The following KIF6 variants were observed in gnomAD, a reference collection of about 807,000 sequenced individuals.
KIF6 encodes the protein kinesin family member 6, also known as kinesin-like protein KIF6.
Under a neutral mutation model 112.7 loss-of-function variants are expected in KIF6, and 106 were observed. The ratio of observed to expected loss-of-function variants is 0.94; its 90% CI spans 0.80 to 1.11. KIF6 has a LOEUF of 1.11. KIF6 is among the 50% of genes least tolerant of loss of function. The pLI, the probability that KIF6 is intolerant of heterozygous loss-of-function variation, is 0.00. For missense variants in KIF6, 929 were observed against 964.0 expected, an observed-to-expected ratio of 0.96 and a Z score of 0.48; for synonymous variants, 339 against 339.9, an observed-to-expected ratio of 1.00 and a Z score of 0.03.
At chr6:39,658,756 T>A (rs1478581489) in intron 3 of KIF6, among the ~76,000 whole-genome samples, 4 of 152,166 alleles carry the variant, frequency 2.6e-5, no homozygotes, top group African/African-American at 9.7e-5. Context: ...GGGGGAAAAG[T>A]TTAGAGTCAA....
chr6:39,384,712 G>A (rs572180956), intron 16 of KIF6, among the ~76,000 whole-genome samples: 56 of 152,276 alleles, frequency 3.7e-4, no homozygotes, highest in South Asian at 1.2e-3. Context: ...GGATTTCTCC[G>A]ATTACAGGTA....
At chr6:39,339,404 G>A (rs1386347298) in intron 22 of KIF6, among the ~76,000 whole-genome samples, 2 of 152,104 alleles carry the variant, frequency 1.3e-5, no homozygotes, top group Non-Finnish European at 2.9e-5. Context: ...TGGAATTTCC[G>A]CCTTTTCCCT....
intron 14 of KIF6, among the ~76,000 whole-genome samples, chr6:39,427,808 G>C (rs2150376182): frequency 1.3e-5 from 2 of 152,282 alleles, no homozygotes; most frequent in East Asian, 3.9e-4. Flanking sequence ...GAACTCTACT[G>C]TACAGAGTTA....
At chr6:39,528,049 A>T (rs569902811) in intron 13 of KIF6, among the ~76,000 whole-genome samples, 1 of 152,340 alleles carries the variant, frequency 6.6e-6, no homozygotes, top group Non-Finnish European at 1.5e-5. Flanking sequence ...AGTACAATAT[A>T]TCTCAAAGTA....
intron 9 of KIF6, among the ~76,000 whole-genome samples, chr6:39,581,471 C>G (rs1781292879): frequency 6.6e-6 from 1 of 151,944 alleles, no homozygotes; most frequent in Non-Finnish European, 1.5e-5. Flanking sequence ...TACTCATTTT[C>G]TAACTTCTTT....
intron 19 of KIF6, among the ~76,000 whole-genome samples, chr6:39,350,201 C>T (rs546329106): frequency 6.3e-4 from 96 of 152,106 alleles, no homozygotes; most frequent in Non-Finnish European, 1.2e-3. Flanking sequence ...GAGCGGATAC[C>T]CCAGGCAGGA....
rs1333735743 is a variant in KIF6 at position 39,519,227 on chromosome 6, A to C, written c.1645+20776T>G. Among the ~76,000 whole-genome samples the C allele has an allele frequency of 2.0e-5, 3 of 152,082 alleles. No individual in the cohort carries two copies. In the East Asian group the frequency reaches 5.8e-4, roughly 29 times the overall value. ...CAGAGTATTCCTGGGCATCTGAAAA[A>C]CTTCCAATGGAATAGGCCACATTAT... is the stretch of plus-strand genomic sequence containing the variant. On this transcript the variant is annotated intron_variant, in intron 13 of 22. Coordinates refer to ENST00000287152, the MANE Select transcript of KIF6 (RefSeq NM_145027.6).
intron 20 of KIF6, among the ~76,000 whole-genome samples, chr6:39,346,090 C>CCTCTCCCTCCCCCCCT (rs1763735232): frequency 8.2e-5 from 3 of 36,808 alleles, no homozygotes; most frequent in Non-Finnish European, 1.4e-4. Context: ...CTCTCTCCCC[C>CCTCTCCCTCCCCCCCT]CCCTCTCCCT....
At chr6:39,512,535 G>C (rs1776841929) in intron 13 of KIF6, among the ~76,000 whole-genome samples, 2 of 152,286 alleles carry the variant, frequency 1.3e-5, no homozygotes, top group South Asian at 4.1e-4. Flanking sequence ...CCAAGTCAGG[G>C]TTCTTAAATT....
At chr6:39,369,233 G>A (rs548861281) in intron 16 of KIF6, among the ~76,000 whole-genome samples, 1 of 152,262 alleles carries the variant, frequency 6.6e-6, no homozygotes, top group African/African-American at 2.4e-5. Context: ...GTCACATGCC[G>A]ACGGGTGCTC....
chr6:39,569,969 T>C (rs914287882), intron 10 of KIF6, among the ~76,000 whole-genome samples: 2 of 152,250 alleles, frequency 1.3e-5, no homozygotes, highest in African/African-American at 2.4e-5. Context: ...GCGATTTATT[T>C]GATGGATAAA....
At chr6:39,605,993 C>G (rs190719012) in intron 6 of KIF6, among the ~76,000 whole-genome samples, 1 of 151,830 alleles carries the variant, frequency 6.6e-6, no homozygotes, top group East Asian at 1.9e-4. Flanking sequence ...TGCCTTTGTT[C>G]CCTCCCCTTC....
At chr6:39,543,590 A>T (rs1778911868) in intron 12 of KIF6, among the ~76,000 whole-genome samples, 1 of 150,674 alleles carries the variant, frequency 6.6e-6, no homozygotes. Context: ...TTGCATAAAT[A>T]GCTGAAGCTA....
chr6:39,698,789 G>T (rs1005818946), intron 3 of KIF6, among the ~76,000 whole-genome samples: 5 of 152,130 alleles, frequency 3.3e-5, no homozygotes, highest in African/African-American at 1.2e-4. Context: ...GCTTTTTATG[G>T]CTCTAAATAT....
intron 16 of KIF6, among the ~76,000 whole-genome samples, chr6:39,369,097 C>A (rs1765777776): frequency 6.6e-6 from 1 of 152,194 alleles, no homozygotes; most frequent in African/African-American, 2.4e-5. Context: ...AGTGTCTATT[C>A]TTACGGAGAT....
intron 8 of KIF6, 140 bp downstream of exon 8, chr6:39,586,121 G>T: frequency 1.4e-6 from 1 of 738,732 alleles, no homozygotes; most frequent in Non-Finnish European, 2.3e-6. Context: ...ATAGCCCACA[G>T]CTGTGAACTC....
At chr6:39,536,422 G>C (rs927125550) in intron 13 of KIF6, among the ~76,000 whole-genome samples, 1 of 151,894 alleles carries the variant, frequency 6.6e-6, no homozygotes, top group Non-Finnish European at 1.5e-5. Context: ...TACCATCAGA[G>C]AATACTACAA....
intron 6 of KIF6, among the ~76,000 whole-genome samples, chr6:39,606,089 G>A (rs1413848976): frequency 6.6e-6 from 1 of 151,588 alleles, no homozygotes; most frequent in African/African-American, 2.4e-5. Context: ...TATATACTTA[G>A]TTATTTTTCA....
chr6:39,513,441 C>A (rs1582022247), intron 13 of KIF6, among the ~76,000 whole-genome samples: 3 of 152,314 alleles, frequency 2.0e-5, no homozygotes, highest in East Asian at 1.9e-4. Context: ...AGCATCAGGG[C>A]CCCTTACTTT....
Sources: gnomAD v4.1 joint callset for allele counts (sites outside exome capture counted in the v4.1 genomes callset) on GRCh38, gnomAD v4.1.1 for gene constraint, MANE v1.5 for transcripts, NCBI Gene and HGNC (gene_info 2026-07-23, HGNC 2026-07-21) for gene names.